HERC1: variants seen among roughly 807,000 people sequenced by gnomAD.
The protein encoded by HERC1 is probable E3 ubiquitin-protein ligase HERC1.
In HERC1, 160 loss-of-function variants were observed where a neutral mutation model predicts 554.3. The observed-to-expected ratio is 0.29, with a 90% CI of 0.25 to 0.33. The LOEUF is 0.33. Ranked by LOEUF, HERC1 falls within the 10% of genes least tolerant of loss-of-function variation. The pLI is 1.00. For synonymous variants in HERC1, 2,175 were observed against 2,131.7 expected (o/e 1.02, Z -0.56); for missense variants, 4,919 against 5,918.5 (o/e 0.83, Z 5.54).
At chr15:63,831,478 AG>A (rs2078152414) in intron 1 of HERC1, among the ~76,000 whole-genome samples, 1 of 152,208 alleles carries the variant, frequency 6.6e-6, no homozygotes, top group Non-Finnish European at 1.5e-5. Context: ...GCTATTATAT[AG>A]TTATCCAACT....
At chr15:63,829,210 G>A (rs528960119) in intron 1 of HERC1, among the ~76,000 whole-genome samples, 48 of 151,972 alleles carry the variant, frequency 3.2e-4, no homozygotes, top group African/African-American at 1.1e-3. Flanking sequence ...CTTGAGCTCA[G>A]GAGCTCAAGG....
At chr15:63,750,210 A>G (rs2075189263) in intron 8 of HERC1, among the ~76,000 whole-genome samples, 1 of 152,222 alleles carries the variant, frequency 6.6e-6, no homozygotes, top group African/African-American at 2.4e-5. Flanking sequence ...GATTATATAA[A>G]TCACAAAACT....
Position 63,696,332 on chromosome 15 carries a change from A to G in HERC1, c.4913T>C (p.Leu1638Ser), listed in dbSNP as rs376060804. 81 of 1,609,686 alleles carry G rather than the reference A, an allele frequency of 5.0e-5. No homozygotes were observed. The highest frequency in any genetic ancestry group is 6.5e-5 in the Non-Finnish European group (77 of 1,177,750). The change falls in exon 27 of 78, where the codon TTA (leucine) becomes TCA (serine). Residue 1638 changes from leucine (L) to serine (S), a missense_variant. Physicochemically the swap from Leu to Ser is moderately radical, Grantham distance 145 (BLOSUM62 -2). Transcript: ENST00000443617. ...EQQQLRAELRLEALHQILVLL... is the reference protein window; with the variant it reads ...EQQQLRAELRSEALHQILVLL... ...AACGAGGATCTGATGAAGTGCCTCT[A>G]AACGAAGCTTGAGGAAAAAAACATA...
At chr15:63,793,539 A>C (rs1489236506) in intron 1 of HERC1, among the ~76,000 whole-genome samples, 1 of 152,186 alleles carries the variant, frequency 6.6e-6, no homozygotes, top group Non-Finnish European at 1.5e-5. Context: ...ACTCATGAAT[A>C]ATTCACCCCT....
intron 31 of HERC1, among the ~76,000 whole-genome samples, 185 bp from the exon 32 acceptor site, chr15:63,690,832 C>G (rs897455247): frequency 2.0e-5 from 3 of 152,140 alleles, no homozygotes; most frequent in Non-Finnish European, 4.4e-5. Context: ...TACATTCATG[C>G]TTATGCCTCA....
intron 1 of HERC1, among the ~76,000 whole-genome samples, chr15:63,813,039 A>C (rs1382623182): frequency 6.6e-6 from 1 of 152,210 alleles, no homozygotes; most frequent in African/African-American, 2.4e-5. Context: ...CTTACCATCA[A>C]CTTACAATCA....
chr15:63,630,360 A>C (rs1336940407), intron 69 of HERC1, 106 bp downstream of exon 69: 1 of 1,083,142 alleles, frequency 9.2e-7, no homozygotes, highest in Non-Finnish European at 1.4e-6. Context: ...ATGTGCTTGG[A>C]GTATTGCAGT....
chr15:63,654,424 T>C, intron 50 of HERC1, 100 bp from the exon 51 acceptor site: 1 of 888,170 alleles, frequency 1.1e-6, no homozygotes, highest in Non-Finnish European at 1.7e-6. Context: ...TTGGTGGTGG[T>C]GAACAAGCAA....
At chr15:63,772,632 T>C (rs1292824261) in intron 2 of HERC1, among the ~76,000 whole-genome samples, 2 of 151,988 alleles carry the variant, frequency 1.3e-5, no homozygotes, top group Admixed American at 6.6e-5. Context: ...GAAAAACATG[T>C]GCAAATGAGA....
chr15:63,682,414 G>A (rs927315879), intron 34 of HERC1, among the ~76,000 whole-genome samples: 3 of 152,190 alleles, frequency 2.0e-5, no homozygotes, highest in Non-Finnish European at 2.9e-5. Context: ...ATGAGCCAGA[G>A]TAGAAAAATT....
rs188020528 is a variant in HERC1 at position 63,623,111 on chromosome 15, G to T, written c.13612-220C>A. 2.5e-3 allele frequency among the ~76,000 whole-genome samples: 374 copies of T among 152,340 alleles called. 1 individual carries two copies. Among genetic ancestry groups the T allele is most frequent in the Non-Finnish European group, 4.2e-3 (284 of 68,028 alleles). ...TCATGTATGAAGAACCAAAAGGAAT[G>T]AGAAAGTCAATCCAGGGCAGGAGTA... On this transcript the variant is annotated intron_variant, in intron 73 of 77. Transcript: ENST00000443617.
At chr15:63,703,280 G>A (rs1286744312) in intron 25 of HERC1, among the ~76,000 whole-genome samples, 1 of 152,188 alleles carries the variant, frequency 6.6e-6, no homozygotes, top group Non-Finnish European at 1.5e-5. Flanking sequence ...GGAGAAAAAG[G>A]CGCAATTGTG....
chr15:63,769,809 T>C (rs1228538399), intron 2 of HERC1, among the ~76,000 whole-genome samples: 2 of 152,126 alleles, frequency 1.3e-5, no homozygotes, highest in African/African-American at 4.8e-5. Flanking sequence ...TGAGCCAAGA[T>C]TATGCCACTG....
At chr15:63,723,508 T>C (rs1229107180) in intron 18 of HERC1, among the ~76,000 whole-genome samples, 153 bp from the exon 19 acceptor site, 2 of 152,344 alleles carry the variant, frequency 1.3e-5, no homozygotes, top group Admixed American at 1.3e-4. Context: ...TGTTTTTCAG[T>C]TGGAGGTAGT....
chr15:63,635,198 C>T (rs2068729312), intron 65 of HERC1, among the ~76,000 whole-genome samples: 1 of 152,158 alleles, frequency 6.6e-6, no homozygotes, highest in South Asian at 2.1e-4. Flanking sequence ...CAGGCATGTG[C>T]TACCACACCT....
chr15:63,808,607 A>G (rs2077203596), intron 1 of HERC1, among the ~76,000 whole-genome samples: 1 of 152,182 alleles, frequency 6.6e-6, no homozygotes, highest in Non-Finnish European at 1.5e-5. Flanking sequence ...TTTTTAACGA[A>G]AGGATCTTTG....
chr15:63,785,072 T>C (rs1463365743), intron 1 of HERC1, among the ~76,000 whole-genome samples: 9 of 152,184 alleles, frequency 5.9e-5, no homozygotes, highest in Non-Finnish European at 1.3e-4. Flanking sequence ...ATCAAGGGAA[T>C]GTAGTCAAAG....
Position 63,756,337 on chromosome 15 carries a change from A to T in HERC1, c.1533+100T>A, listed in dbSNP as rs2075420907. ...ACAAAAGATTAAGCCAAAGGGTTGA[A>T]GGGGCAACTGCAGAAAGAACACATC... On this transcript the variant is annotated intron_variant, in intron 5 of 77. Transcript: ENST00000443617. This position sits in a 1 kb window ranked among gnomAD's most constrained non-coding sequence, Gnocchi z 5.0. The T allele has an allele frequency of 1.1e-6, 1 of 942,638 alleles. No individual in the cohort carries two copies. The highest frequency in any genetic ancestry group is 1.6e-5 in the African/African-American group (1 of 60,816). The allele number at this position is 942,638 out of a possible 1,614,324, so 58.4% of individuals were successfully genotyped here.
Position 63,669,675 on chromosome 15 carries a change from G to T in HERC1, c.8069C>A (p.Thr2690Asn). The T allele has an allele frequency of 6.2e-7, 1 of 1,613,918 alleles. No homozygotes were observed. Among genetic ancestry groups the T allele is most frequent in the Non-Finnish European group, 8.5e-7 (1 of 1,179,802 alleles). ...LLRQMFSSYP[T>N]TTVLPTRRAQ... Reference sequence around the variant, plus strand: ...CCGACGTGTGGGAAGTACAGTGGTAGTTGGGTAACTAGAGAACATTTGCCT... The same window carrying T: ...CCGACGTGTGGGAAGTACAGTGGTATTTGGGTAACTAGAGAACATTTGCCT... Residue 2690 changes from threonine (T) to asparagine (N), a missense_variant, in exon 40 of 78, where the codon ACT becomes AAT. Physicochemically the swap from Thr to Asn is moderately conservative, Grantham distance 65. Transcript: ENST00000443617.
Sources: gnomAD v4.1 joint callset for allele counts (sites outside exome capture counted in the v4.1 genomes callset) on GRCh38, gnomAD v4.1.1 for gene constraint, Gnocchi (gnomAD v3.1) non-coding constraint, MANE v1.5 for transcripts, NCBI Gene and HGNC (gene_info 2026-07-23, HGNC 2026-07-21) for gene names.